TOM1L2: variants seen among roughly 807,000 people sequenced by gnomAD.
TOM1L2 encodes the protein TOM1-like protein 2.
A neutral mutation model predicts 67.9 loss-of-function variants in TOM1L2; 31 were observed. The observed-to-expected ratio is 0.46, with a 90% CI of 0.34 to 0.62. The LOEUF is 0.62. Among genes scored for constraint, TOM1L2 ranks in the 20% least tolerant of loss-of-function variants. TOM1L2 has a pLI of 0.01. For missense variants in TOM1L2, 606 were observed against 663.5 expected (o/e 0.91, Z 0.95); for synonymous variants, 256 against 254.0 (o/e 1.01, Z -0.07).
chr17:17,880,476 T>C (rs1256932135), intron 6 of TOM1L2, among the ~76,000 whole-genome samples: 2 of 152,192 alleles, frequency 1.3e-5, no homozygotes, highest in Non-Finnish European at 2.9e-5. Context: ...GTGCCTCAGA[T>C]CTGCCCCTTC....
rs1598259305 is a variant in TOM1L2, at chr17:17,882,644, C to G, written c.660+61G>C. On this transcript the variant is annotated intron_variant, in intron 6 of 14. Coordinates refer to ENST00000379504, the MANE Select transcript of TOM1L2 (RefSeq NM_001082968.2). ...GCTTGGGAGGCCTTTGTAAGTGTCT[C>G]CCAGAAAGATGAAAAAGGATAGTCA... is the stretch of plus-strand genomic sequence containing the variant. 2.1e-5 allele frequency: 34 copies of G among 1,594,178 alleles called. No individual in the cohort carries two copies. In the South Asian group the frequency reaches 3.6e-4, roughly 17 times the overall value.
At chr17:17,915,238 C>T (rs2039579563) in intron 1 of TOM1L2, among the ~76,000 whole-genome samples, 1 of 152,064 alleles carries the variant, frequency 6.6e-6, no homozygotes, top group Non-Finnish European at 1.5e-5. Flanking sequence ...AGAATTCCTC[C>T]AAGATATTAA....
intron 6 of TOM1L2, 57 bp from the exon 7 acceptor site, chr17:17,879,800 G>C: frequency 7.2e-7 from 1 of 1,379,760 alleles, no homozygotes; most frequent in South Asian, 1.2e-5. Context: ...GCCTGCACTT[G>C]CAATATCAGA....
intron 1 of TOM1L2, among the ~76,000 whole-genome samples, chr17:17,914,269 T>C (rs1006163684): frequency 5.9e-5 from 9 of 152,256 alleles, no homozygotes; most frequent in African/African-American, 1.9e-4. Flanking sequence ...GGATAAGCCA[T>C]AGGGTGACAG....
At chr17:17,851,195 AG>A (rs1220928007) in intron 12 of TOM1L2, 7 of 544,766 alleles carry the variant, frequency 1.3e-5, no homozygotes, top group Non-Finnish European at 2.3e-5. Context: ...GCCGGCGGTA[AG>A]GAAGGTGGCT....
At chr17:17,884,795 A>G (rs1304872931) in intron 4 of TOM1L2, 27 bp from the exon 5 acceptor site, 1 of 1,612,168 alleles carries the variant, frequency 6.2e-7, no homozygotes, top group Admixed American at 1.7e-5. Flanking sequence ...CCTGTTAGGA[A>G]GCATTTCTCA....
rs907638989 is a variant in TOM1L2, at chr17:17,972,392, C to T, written c.-79G>A. Reference sequence around the variant, plus strand: ...CGCTGTAACCCGCCGGACTCCCGTCCTGACTGACACTTGCCCCCTCCCCAC... The same window carrying T: ...CGCTGTAACCCGCCGGACTCCCGTCTTGACTGACACTTGCCCCCTCCCCAC... On this transcript the variant is annotated 5_prime_UTR_variant, in exon 1 of 15. Transcript: ENST00000379504. 2 of 1,529,612 alleles carry T rather than the reference C, an allele frequency of 1.3e-6. No individual in the cohort carries two copies. The highest frequency in any genetic ancestry group is 1.8e-6 in the Non-Finnish European group (2 of 1,130,530). 94.8% of individuals were successfully genotyped at this position (1,529,612 alleles called of 1,614,324 possible).
At chr17:17,885,399 G>A (rs1247107362) in intron 4 of TOM1L2, among the ~76,000 whole-genome samples, 1 of 152,218 alleles carries the variant, frequency 6.6e-6, no homozygotes, top group African/African-American at 2.4e-5. Flanking sequence ...CCCATTGGGA[G>A]CTAGACCCAG....
chr17:17,917,450 CTTTTTTTT>C (rs71155307), intron 1 of TOM1L2, among the ~76,000 whole-genome samples: 6 of 36,364 alleles, frequency 1.6e-4, no homozygotes, highest in Non-Finnish European at 2.0e-4. Context: ...TACCATTGGT[CTTTTTTTT>C]TTTTTTTTTT....
At chr17:17,945,267 TACACAC>T (rs143501362) in intron 1 of TOM1L2, among the ~76,000 whole-genome samples, 3,536 of 147,108 alleles carry the variant, frequency 0.024, 112 homozygotes, top group African/African-American at 0.075. Flanking sequence ...CACACACACA[TACACAC>T]ACACACACAC....
At chr17:17,866,486 C>A (rs2036857159) in intron 9 of TOM1L2, 67 bp from the exon 10 acceptor site, 1 of 1,497,352 alleles carries the variant, frequency 6.7e-7, no homozygotes, top group East Asian at 2.4e-5. Flanking sequence ...TAGAAGCTGG[C>A]AAGGCAACTA....
chr17:17,952,252 A>AT (rs1183107050), intron 1 of TOM1L2, among the ~76,000 whole-genome samples: 2 of 152,124 alleles, frequency 1.3e-5, no homozygotes, highest in Non-Finnish European at 2.9e-5. Context: ...GTAGGATCCC[A>AT]TTTATACAAA....
At chr17:17,968,297 C>T (rs2041940020) in intron 1 of TOM1L2, among the ~76,000 whole-genome samples, 1 of 152,180 alleles carries the variant, frequency 6.6e-6, no homozygotes, top group Admixed American at 6.5e-5. Flanking sequence ...AAGCCCCATG[C>T]AGCTGTTGAG....
chr17:17,968,928 C>G (rs2041966932), intron 1 of TOM1L2, among the ~76,000 whole-genome samples: 1 of 152,144 alleles, frequency 6.6e-6, no homozygotes, highest in Non-Finnish European at 1.5e-5. Context: ...GTCACCCCAG[C>G]CTCTTCTGAA....
chr17:17,939,396 G>A lies in TOM1L2; in HGVS notation c.53-31865C>T, dbSNP rs546648436. Among the ~76,000 whole-genome samples, 74 of 152,308 alleles carry A rather than the reference G, an allele frequency of 4.9e-4. 1 individual carries two copies. The South Asian group carries it at 0.015, about 30-fold the overall frequency. ...AGTCTTAAAAAATATATGACATTAT[G>A]AGACAACTAAAAATTTTGAACACTA... On this transcript the variant is annotated intron_variant, in intron 1 of 14. Coordinates refer to ENST00000379504, the MANE Select transcript of TOM1L2 (RefSeq NM_001082968.2).
At chr17:17,936,213 TTCTC>T (rs1445254705) in intron 1 of TOM1L2, among the ~76,000 whole-genome samples, 3 of 152,178 alleles carry the variant, frequency 2.0e-5, no homozygotes, top group African/African-American at 7.2e-5. Flanking sequence ...ACACATTCTG[TTCTC>T]TCTGCCTGGA....
rs1555598776 is a variant in TOM1L2 at position 17,894,975 on chromosome 17, A to ACATACATACATG, written c.217-1166_217-1165insCATGTATGTATG. 2.3e-3 allele frequency among the ~76,000 whole-genome samples: 343 copies of ACATACATACATG among 147,784 alleles called. 4 individuals carry two copies. Among genetic ancestry groups the ACATACATACATG allele is most frequent in the African/African-American group, 7.8e-3 (312 of 39,754 alleles). On this transcript the variant is annotated intron_variant, in intron 3 of 14. Coordinates refer to ENST00000379504, the MANE Select transcript of TOM1L2 (RefSeq NM_001082968.2). ...TACATACATACATACATACATACAT[A>ACATACATACATG]CATGCATGCATGCATGCATAAAATA...
At chr17:17,947,037 A>C (rs1409356669) in intron 1 of TOM1L2, among the ~76,000 whole-genome samples, 1 of 150,030 alleles carries the variant, frequency 6.7e-6, no homozygotes, top group East Asian at 2.0e-4. Context: ...GTGTTGATCT[A>C]ATTTTAACAG....
chr17:17,970,159 A>T (rs2042012995), intron 1 of TOM1L2, among the ~76,000 whole-genome samples: 1 of 151,890 alleles, frequency 6.6e-6, no homozygotes, highest in South Asian at 2.1e-4. Context: ...GGTTCAAGCA[A>T]TTCTCCTGCC....
Sources: allele counts gnomAD v4.1 joint callset (sites outside exome capture counted in the v4.1 genomes callset), GRCh38; gene constraint gnomAD v4.1.1; transcripts MANE v1.5; gene names NCBI Gene and HGNC (gene_info 2026-07-23, HGNC 2026-07-21).